ANKRD36C: variants seen among roughly 807,000 people sequenced by gnomAD.
The protein encoded by ANKRD36C is ankyrin repeat domain-containing protein 36C.
Under a neutral mutation model 276.4 loss-of-function variants are expected in ANKRD36C, and 61 were observed. The ratio of observed to expected loss-of-function variants is 0.22; its 90% confidence interval spans 0.18 to 0.27. The LOEUF is 0.27. ANKRD36C is among the 10% of genes least tolerant of loss of function. The pLI, the probability that ANKRD36C is intolerant of heterozygous loss-of-function variation, is 1.00. For missense variants in ANKRD36C, 1,447 were observed against 2,032.3 expected (o/e 0.71, Z 5.54); for synonymous variants, 483 against 680.1 (o/e 0.71, Z 4.51).
chr2:95,859,416 T>C (rs545371506), intron 61 of ANKRD36C, among the ~76,000 whole-genome samples: 1 of 152,136 alleles, frequency 6.6e-6, no homozygotes, highest in Non-Finnish European at 1.5e-5. Flanking sequence ...ATATAAACAT[T>C]CTTAAGAACA....
intron 24 of ANKRD36C, among the ~76,000 whole-genome samples, chr2:95,933,452 T>C (rs1677624254): frequency 6.6e-6 from 1 of 152,188 alleles, no homozygotes; most frequent in Admixed American, 6.6e-5. Context: ...CTTATATCCT[T>C]GAGCAGTGGT....
rs550302837 is a variant in ANKRD36C at position 95,860,820 on chromosome 2, T to C, written c.3683-746A>G. On this transcript the variant is annotated intron_variant, in intron 60 of 66. Coordinates refer to ENST00000456556, the Ensembl canonical transcript of ANKRD36C. ...AGATAGAGATCACAGGACAGAAAAC[T>C]GGAGAGAAAAAAGCAGTACAGGAAA... Among the ~76,000 whole-genome samples, 25 of 152,108 alleles carry C rather than the reference T, an allele frequency of 1.6e-4. No individual in the cohort carries two copies. In the East Asian group the frequency reaches 4.1e-3, roughly 25 times the overall value.
intron 42 of ANKRD36C, among the ~76,000 whole-genome samples, chr2:95,911,961 G>C (rs1676940552): frequency 6.6e-6 from 1 of 151,394 alleles, no homozygotes; most frequent in African/African-American, 2.4e-5. Flanking sequence ...AGATGCTACA[G>C]AATTAAAGCA....
At chr2:95,893,309 T>A (rs1187595388) in intron 44 of ANKRD36C, among the ~76,000 whole-genome samples, 3 of 150,960 alleles carry the variant, frequency 2.0e-5, no homozygotes, top group African/African-American at 7.3e-5. Flanking sequence ...TCTCCATATA[T>A]CTTCTTTCCA....
chr2:95,893,437 G>A, intron 44 of ANKRD36C, 96 bp downstream of exon 64: 2 of 1,482,058 alleles, frequency 1.3e-6, no homozygotes, highest in South Asian at 1.2e-5. Context: ...GAATCAGAAA[G>A]TGCAGCTTCG....
chr2:95,867,183 A>G (rs917094064), intron 60 of ANKRD36C, among the ~76,000 whole-genome samples: 19 of 152,228 alleles, frequency 1.2e-4, no homozygotes, highest in Non-Finnish European at 2.6e-4. Flanking sequence ...GTAAAGGGGT[A>G]ATGGCATAGA....
At chr2:95,940,983 AATTT>A (rs1677871429) in intron 20 of ANKRD36C, among the ~76,000 whole-genome samples, 173 bp downstream of exon 20, 1 of 149,226 alleles carries the variant, frequency 6.7e-6, no homozygotes, top group Non-Finnish European at 1.5e-5. Context: ...TTTAACAATT[AATTT>A]AATTTTAAAT....
At chr2:95,990,008 ATT>A (rs1266218127) in intron 1 of ANKRD36C, among the ~76,000 whole-genome samples, 1 of 152,090 alleles carries the variant, frequency 6.6e-6, no homozygotes, top group Non-Finnish European at 1.5e-5. Context: ...ATATACACAT[ATT>A]GTCTTTTAAT....
rs1676575724 is a variant in ANKRD36C, at chr2:95,897,137, T to C, written c.2755+2008A>G. 1.6e-5 allele frequency: 18 copies of C among 1,095,878 alleles called. 1 individual carries two copies. In the South Asian group the frequency reaches 2.5e-4, roughly 15 times the overall value. The allele number at this position is 1,095,878 out of a possible 1,614,324, so 67.9% of individuals were successfully genotyped here. On this transcript the variant is annotated intron_variant, in intron 44 of 66. Coordinates refer to ENST00000456556, the Ensembl canonical transcript of ANKRD36C. The stretch of plus-strand genomic sequence containing the variant: ...AGCATCATCATCACCCACAAACTTA[T>C]TTGAAATGAAGAATCTCAGGACTGC...
At chr2:95,971,202 TA>T (rs1328045603) in intron 6 of ANKRD36C, among the ~76,000 whole-genome samples, 1 of 151,788 alleles carries the variant, frequency 6.6e-6, no homozygotes, top group Non-Finnish European at 1.5e-5. Context: ...GAGGGAGGAA[TA>T]AAAAAAGAGA....
intron 42 of ANKRD36C, among the ~76,000 whole-genome samples, chr2:95,903,387 T>G (rs552882311): frequency 6.6e-6 from 1 of 150,576 alleles, no homozygotes; most frequent in Non-Finnish European, 1.5e-5. Flanking sequence ...TGATATAAAA[T>G]CAGAGGAGCA....
At chr2:95,852,433 C>T (rs61455407) in intron 64 of ANKRD36C, 83 of 469,254 alleles carry the variant, frequency 1.8e-4, no homozygotes, top group African/African-American at 1.5e-3. Context: ...TGTGCTGTAA[C>T]TGCAGGGCTG....
At chr2:95,878,333 G>T (rs1189637656) in intron 58 of ANKRD36C, among the ~76,000 whole-genome samples, 2 of 152,046 alleles carry the variant, frequency 1.3e-5, no homozygotes, top group Non-Finnish European at 2.9e-5. Context: ...GTTATTCAAA[G>T]AATGAATGCT....
intron 13 of ANKRD36C, among the ~76,000 whole-genome samples, chr2:95,954,710 G>C (rs1678286788): frequency 6.6e-6 from 1 of 152,164 alleles, no homozygotes; most frequent in African/African-American, 2.4e-5. Flanking sequence ...TCATTATATA[G>C]ATCCTGCTTT....
At chr2:95,963,972 AATATATATATATATATATATATATATAT>A (rs1160108122) in intron 6 of ANKRD36C, among the ~76,000 whole-genome samples, 4 of 48,994 alleles carry the variant, frequency 8.2e-5, no homozygotes, top group South Asian at 7.8e-4. Context: ...TATATATATA[AATATATATATATATATATATATATATAT>A]ATATATATAT....
At chr2:95,870,727 AG>A (rs1382612190) in intron 59 of ANKRD36C, among the ~76,000 whole-genome samples, 1 of 152,226 alleles carries the variant, frequency 6.6e-6, no homozygotes, top group African/African-American at 2.4e-5. Context: ...GAGCTACAGG[AG>A]GAAATTCAAA....
intron 34 of ANKRD36C, among the ~76,000 whole-genome samples, chr2:95,918,458 A>T (rs997438808): frequency 6.6e-6 from 1 of 151,638 alleles, no homozygotes; most frequent in African/African-American, 2.4e-5. Flanking sequence ...TACTACAAAC[A>T]TTCATCATGC....
chr2:95,856,799 C>T (rs1299890302), intron 62 of ANKRD36C, among the ~76,000 whole-genome samples: 3 of 152,070 alleles, frequency 2.0e-5, no homozygotes, highest in Non-Finnish European at 4.4e-5. Context: ...TATAAGCAAG[C>T]TGCAGGATTT....
At position 95,957,579 on chromosome 2, in the gene ANKRD36C, T is replaced by C. The variant is rs1230936222; in HGVS notation, c.1106-763A>G. ...AGTAACTCATGGGAACAAGGTATAA[T>C]ATACAAACCTAATAAAAATGTATAA... is the stretch of plus-strand genomic sequence containing the variant. On this transcript the variant is annotated intron_variant, in intron 12 of 66. Coordinates refer to ENST00000456556, the Ensembl canonical transcript of ANKRD36C. Among the ~76,000 whole-genome samples the C allele has an allele frequency of 7.2e-5, 11 of 152,284 alleles. No individual in the cohort carries two copies. The South Asian group carries it at 2.1e-3, about 29-fold the overall frequency.
Sources: allele counts gnomAD v4.1 joint callset (sites outside exome capture counted in the v4.1 genomes callset), GRCh38; gene constraint gnomAD v4.1.1; transcripts MANE v1.5; gene names NCBI Gene and HGNC (gene_info 2026-07-23, HGNC 2026-07-21).